The following FANCD2OS variants were observed in gnomAD, a reference collection of about 807,000 sequenced individuals.
The protein encoded by FANCD2OS is FANCD2 opposite strand, also known as FANCD2 opposite strand protein.
In FANCD2OS, 11 loss-of-function variants were observed where a neutral mutation model predicts 13.2. The ratio of observed to expected loss-of-function variants is 0.83; its 90% CI spans 0.52 to 1.38. The LOEUF (loss-of-function observed/expected upper bound fraction) is 1.38, where lower values mean the gene tolerates loss of function less well. FANCD2OS is among the 40% of genes most tolerant of loss of function. The probability of loss-of-function intolerance (pLI) is 0.00; values close to 1 mark genes in which losing one functional copy is unlikely to be tolerated. For missense variants in FANCD2OS, 217 were observed against 213.9 expected (o/e 1.01, Z -0.09); for synonymous variants, 69 against 84.5 (o/e 0.82, Z 1.01).
At chr3:10,098,853 G>T (rs142378663), downstream of FANCD2OS, 3 of 1,614,192 alleles carry the variant, frequency 1.9e-6, no homozygotes, top group Non-Finnish European at 1.7e-6. Flanking sequence ...GGCACTGATG[G>T]TTGCATTTTG....
At chr3:10,102,086 C>T (rs12152512), downstream of FANCD2OS, among the ~76,000 whole-genome samples, 36,574 of 151,134 alleles carry the variant, frequency 0.24, 5,904 homozygotes, top group African/African-American at 0.46. Context: ...CCAACTTCAT[C>T]TGAGATGAGA....
In FANCD2OS at chr3:10,092,265, A is replaced by G. The variant is rs9811771; in HGVS notation, c.*44-10734T>C. The G allele has an allele frequency of 0.18, 287,499 of 1,588,626 alleles. 30,724 individuals carry two copies. The highest frequency in any genetic ancestry group is 0.49 in the African/African-American group (36,540 of 74,268). Reference sequence around the variant, plus strand: ...CAACTTGATAAAGGTGAGTATGGAGACTGCTTGACACATCTCACCAAATAA... The same window carrying G: ...CAACTTGATAAAGGTGAGTATGGAGGCTGCTTGACACATCTCACCAAATAA... On this transcript the variant is annotated intron_variant, in intron 2 of 2. Coordinates refer to the FANCD2OS transcript ENST00000524279.
chr3:10,101,575 G>A (rs1333040364), downstream of FANCD2OS: 11 of 398,462 alleles, frequency 2.8e-5, no homozygotes, highest in African/African-American at 6.0e-5. Context: ...TAGTAGATAC[G>A]GGGTTTTACC....
intron 2 of FANCD2OS, chr3:10,087,377 C>A (rs1694281973): frequency 8.1e-6 from 8 of 992,708 alleles, no homozygotes; most frequent in African/African-American, 1.7e-5. Context: ...CCCCACATAA[C>A]CTTGGATAGG....
At chr3:10,100,394 G>A (rs970366742), downstream of FANCD2OS, among the ~76,000 whole-genome samples, 2 of 152,072 alleles carry the variant, frequency 1.3e-5, no homozygotes, top group Admixed American at 1.3e-4. Context: ...CTTTTTTTGA[G>A]ACGGAGTCTC....
downstream of FANCD2OS, among the ~76,000 whole-genome samples, chr3:10,103,504 G>A (rs1695383654): frequency 6.6e-6 from 1 of 152,226 alleles, no homozygotes; most frequent in South Asian, 2.1e-4. Context: ...GAGCCTGGGA[G>A]TTTGAGGCTG....
intron 2 of FANCD2OS, chr3:10,094,210 C>T: frequency 9.8e-7 from 1 of 1,022,546 alleles, no homozygotes; most frequent in Non-Finnish European, 1.6e-6. Context: ...AACCCTTGGG[C>T]TGGATGAGAC....
chr3:10,095,412 A>C lies in FANCD2OS; in HGVS notation c.*43+8786T>G, dbSNP rs1694894420. On this transcript the variant is annotated intron_variant, in intron 2 of 2. Transcript: ENST00000524279. ...GTCCAAAGGCAGTTTATTCAGAGCA[A>C]ATCCTTAGTTGCTCCTTGAGATTGG... is the stretch of plus-strand genomic sequence containing the variant. 1.2e-5 allele frequency: 9 copies of C among 733,922 alleles called. No individual in the cohort carries two copies. The South Asian group carries it at 1.3e-4, about 11-fold the overall frequency. 45.5% of individuals were successfully genotyped at this position (733,922 alleles called of 1,614,324 possible).
At chr3:10,082,896 G>C (rs769569924) in intron 2 of FANCD2OS, among the ~76,000 whole-genome samples, 2 of 151,868 alleles carry the variant, frequency 1.3e-5, no homozygotes, top group Admixed American at 6.6e-5. Flanking sequence ...CAAAAACTTT[G>C]AACAATTTAT....
upstream of FANCD2OS, chr3:10,108,257 A>C (rs1353814887): frequency 6.6e-6 from 1 of 152,254 alleles, no homozygotes; most frequent in African/African-American, 2.4e-5. Context: ...CTGAACTCTG[A>C]GGGTCTCACG....
downstream of FANCD2OS, chr3:10,098,881 G>A: frequency 1.2e-6 from 2 of 1,614,180 alleles, no homozygotes; most frequent in South Asian, 1.1e-5. Flanking sequence ...TTCTAAGTTG[G>A]TGGAGCAGAA....
chr3:10,087,718 G>C (rs1694305812), intron 2 of FANCD2OS, among the ~76,000 whole-genome samples: 1 of 151,942 alleles, frequency 6.6e-6, no homozygotes, highest in African/African-American at 2.4e-5. Context: ...TGCGATGTTG[G>C]CTCACTGCAA....
intron 2 of FANCD2OS, among the ~76,000 whole-genome samples, chr3:10,084,891 C>T (rs532258998): frequency 6.6e-6 from 1 of 152,202 alleles, no homozygotes; most frequent in South Asian, 2.1e-4. Flanking sequence ...TAAGAAAACA[C>T]TTCTGGCAGC....
chr3:10,094,364 G>C (rs775934513), intron 2 of FANCD2OS: 12 of 1,612,476 alleles, frequency 7.4e-6, no homozygotes, highest in East Asian at 2.2e-5. Context: ...AAAACACCGG[G>C]TAAGAGCTAA....
Position 10,081,584 on chromosome 3 carries a change from CATTA to C in FANCD2OS, c.*44-57_*44-54del. The C allele has an allele frequency of 1.5e-5, 12 of 811,732 alleles. No homozygotes were observed. In the South Asian group the frequency reaches 1.6e-4, roughly 11 times the overall value. 50.3% of individuals were successfully genotyped at this position (811,732 alleles called of 1,614,324 possible). A position where few individuals can be genotyped will look rare whatever the true frequency, so the allele number is the denominator to read the frequency against. ...TCAAAAATCTTATGTGAATATGGTT[CATTA>C]ATTTTGTGGGAGTGTTTTTGTCTGT... On this transcript the variant is annotated intron_variant, in intron 2 of 2. Transcript: ENST00000524279.
At chr3:10,095,438 G>A in intron 2 of FANCD2OS, 1 of 674,972 alleles carries the variant, frequency 1.5e-6, no homozygotes. Context: ...TTGAGATTGG[G>A]CAGTCCTCTA....
chr3:10,102,204 C>T (rs1414601092), downstream of FANCD2OS, among the ~76,000 whole-genome samples: 1 of 147,180 alleles, frequency 6.8e-6, no homozygotes, highest in East Asian at 2.0e-4. Context: ...AGTGCAGTGG[C>T]ACGATCTCAG....
At chr3:10,107,710 G>A (rs998170152) in intron 1 of FANCD2OS, among the ~76,000 whole-genome samples, 10 of 152,058 alleles carry the variant, frequency 6.6e-5, no homozygotes, top group African/African-American at 2.4e-4. Flanking sequence ...CACTTTGGGA[G>A]GCCAAGGCGG....
downstream of FANCD2OS, chr3:10,101,377 CTTTTTTTTTTTT>C (rs950337384): frequency 1.8e-5 from 7 of 388,516 alleles, no homozygotes; most frequent in East Asian, 1.3e-4. Flanking sequence ...TTTTGTTCCT[CTTTTTTTTTTTT>C]TTTTTTTTTT....
Sources: allele counts gnomAD v4.1 joint callset (sites outside exome capture counted in the v4.1 genomes callset), GRCh38; gene constraint gnomAD v4.1.1; transcripts MANE v1.5; gene names NCBI Gene and HGNC (gene_info 2026-07-23, HGNC 2026-07-21).